EPHA5: variants seen among roughly 807,000 people sequenced by gnomAD.
EPHA5 encodes EPH receptor A5.
A neutral mutation model predicts 105.0 loss-of-function variants in EPHA5; 60 were observed. The observed-to-expected ratio is 0.57, with a 90% confidence interval of 0.46 to 0.71. EPHA5 has a LOEUF of 0.71. EPHA5 is among the 30% of genes least tolerant of loss of function. The probability of loss-of-function intolerance (pLI) is 0.00; values close to 1 mark genes in which losing one functional copy is unlikely to be tolerated. For synonymous variants in EPHA5, 513 were observed against 449.1 expected, an observed-to-expected ratio of 1.14 and a Z score of -1.80; for missense variants, 1,218 against 1,274.7, an observed-to-expected ratio of 0.96 and a Z score of 0.68.
At chr4:65,400,966 G>A (rs933751808) in intron 8 of EPHA5, among the ~76,000 whole-genome samples, 3 of 151,778 alleles carry the variant, frequency 2.0e-5, no homozygotes, top group African/African-American at 7.3e-5. Context: ...AAATATCTGG[G>A]TTATCATATC....
rs1300848192 is a variant in EPHA5 at position 65,601,957 on chromosome 4, C to T, written c.594G>A (p.Glu198=). 1 of 1,614,124 alleles carries T rather than the reference C, an allele frequency of 6.2e-7. No individual in the cohort carries two copies. Among genetic ancestry groups the T allele is most frequent in the South Asian group, 1.1e-5 (1 of 91,076 alleles). Residue 198 remains glutamate, a synonymous_variant, in exon 3 of 17, where the codon GAG becomes GAA. Transcript: ENST00000613740. ...TGCTTAGAGGTCCTACATCTCTGAC[C>T]TCTGTATTCAGTTTCATAACACGGT... ...LGDRVMKLNT[E]VRDVGPLSKK...
intron 5 of EPHA5, among the ~76,000 whole-genome samples, chr4:65,432,579 C>G (rs4516774): frequency 0.96 from 145,650 of 152,086 alleles, 70,103 homozygotes; most frequent in East Asian, 1. Flanking sequence ...TTTTGTTTTT[C>G]TTTTTTAATA....
At chr4:65,408,261 A>G (rs1722563157) in intron 7 of EPHA5, among the ~76,000 whole-genome samples, 1 of 152,138 alleles carries the variant, frequency 6.6e-6, no homozygotes, top group African/African-American at 2.4e-5. Context: ...AGTAGGAGAT[A>G]TGGTAATCAT....
intron 5 of EPHA5, among the ~76,000 whole-genome samples, chr4:65,470,549 A>G (rs1447273888): frequency 1.3e-5 from 2 of 152,146 alleles, no homozygotes; most frequent in Non-Finnish European, 2.9e-5. Context: ...TCTTGTAATA[A>G]CCATGTACAT....
At chr4:65,534,825 A>G (rs1297874990) in intron 3 of EPHA5, among the ~76,000 whole-genome samples, 1 of 152,230 alleles carries the variant, frequency 6.6e-6, no homozygotes, top group Non-Finnish European at 1.5e-5. Context: ...ACATGCTTAA[A>G]TGGATATATT....
chr4:65,377,029 G>A (rs1272854265), intron 8 of EPHA5: 2 of 1,609,510 alleles, frequency 1.2e-6, no homozygotes, highest in Admixed American at 1.7e-5. Context: ...ACAGCGCACA[G>A]GGAAGAAGCC....
At chr4:65,371,279 CA>C (rs1560464282) in intron 8 of EPHA5, among the ~76,000 whole-genome samples, 1 of 151,826 alleles carries the variant, frequency 6.6e-6, no homozygotes, top group Non-Finnish European at 1.5e-5. Context: ...TAGAGATGGG[CA>C]GGAGAAATTA....
chr4:65,495,011 A>C (rs1375195714), intron 4 of EPHA5, among the ~76,000 whole-genome samples: 2 of 151,890 alleles, frequency 1.3e-5, no homozygotes, highest in African/African-American at 2.4e-5. Context: ...AAGAAGAAAG[A>C]AGAAAGAAGA....
At chr4:65,401,076 G>GA (rs530178720) in intron 8 of EPHA5, among the ~76,000 whole-genome samples, 3 of 150,878 alleles carry the variant, frequency 2.0e-5, no homozygotes, top group African/African-American at 2.4e-5. Flanking sequence ...GAGAGAGAAA[G>GA]AAAAAAAATC....
intron 2 of EPHA5, among the ~76,000 whole-genome samples, chr4:65,627,303 G>A (rs1405516408): frequency 6.6e-6 from 1 of 152,096 alleles, no homozygotes; most frequent in Non-Finnish European, 1.5e-5. Flanking sequence ...AATGTTTCCT[G>A]ATCAAATAAT....
At position 65,399,851 on chromosome 4, in the gene EPHA5, G is replaced by C. The variant is rs535804089; in HGVS notation, c.1793+4523C>G. On this transcript the variant is annotated intron_variant, in intron 8 of 16. Transcript: ENST00000613740. ...AATATTCTTTAATCCCATAATGAAGGTTGTATTGAGAAAGGTTCCAAAAAG... is the reference window on the plus strand; with the variant it reads ...AATATTCTTTAATCCCATAATGAAGCTTGTATTGAGAAAGGTTCCAAAAAG... 1.6e-4 allele frequency among the ~76,000 whole-genome samples: 25 copies of C among 152,224 alleles called. No individual in the cohort carries two copies. The South Asian group carries it at 5.2e-3, about 32-fold the overall frequency.
At chr4:65,599,348 A>AACACAC (rs71657190) in intron 3 of EPHA5, among the ~76,000 whole-genome samples, 13,740 of 148,514 alleles carry the variant, frequency 0.093, 800 homozygotes, top group African/African-American at 0.18. Context: ...GGCATTTTAT[A>AACACAC]ACACACACAC....
chr4:65,349,540 C>G (rs562300964), intron 13 of EPHA5, among the ~76,000 whole-genome samples: 1 of 151,970 alleles, frequency 6.6e-6, no homozygotes, highest in Non-Finnish European at 1.5e-5. Context: ...TGTGCCTTCC[C>G]ATTTTGCAGG....
At chr4:65,545,530 A>T (rs1578389635) in intron 3 of EPHA5, among the ~76,000 whole-genome samples, 1 of 151,964 alleles carries the variant, frequency 6.6e-6, no homozygotes, top group African/African-American at 2.4e-5. Context: ...GAGGTGCAAA[A>T]GAGAAAACAC....
chr4:65,481,338 C>T (rs972048913), intron 5 of EPHA5, among the ~76,000 whole-genome samples: 2 of 152,040 alleles, frequency 1.3e-5, no homozygotes, highest in African/African-American at 2.4e-5. Flanking sequence ...TTATTTTTTG[C>T]CTTTTGAGAA....
chr4:65,612,123 C>T (rs1744837195), intron 2 of EPHA5, among the ~76,000 whole-genome samples: 1 of 151,340 alleles, frequency 6.6e-6, no homozygotes, highest in Admixed American at 6.6e-5. Flanking sequence ...CTGGCATTTC[C>T]ATAGAGAATG....
At chr4:65,392,246 A>C (rs1260314533) in intron 8 of EPHA5, among the ~76,000 whole-genome samples, 2 of 152,138 alleles carry the variant, frequency 1.3e-5, no homozygotes, top group African/African-American at 2.4e-5. Context: ...AGAAGAGATA[A>C]AAACCCTCAG....
At chr4:65,380,816 C>T (rs1453991558) in intron 8 of EPHA5, among the ~76,000 whole-genome samples, 2 of 151,696 alleles carry the variant, frequency 1.3e-5, no homozygotes, top group Admixed American at 1.3e-4. Context: ...AAAAGTGGCA[C>T]CAATCCTTTA....
At chr4:65,443,926 T>TGTGTGTGC (rs1478840086) in intron 5 of EPHA5, among the ~76,000 whole-genome samples, 6 of 152,044 alleles carry the variant, frequency 3.9e-5, no homozygotes, top group Admixed American at 1.3e-4. Context: ...TGTGTGTGTG[T>TGTGTGTGC]GTGCGTGCAC....
Sources: allele counts gnomAD v4.1 joint callset (sites outside exome capture counted in the v4.1 genomes callset), GRCh38; gene constraint gnomAD v4.1.1; transcripts MANE v1.5; gene names NCBI Gene and HGNC (gene_info 2026-07-23, HGNC 2026-07-21).